The following DLC1 variants were observed in gnomAD, a reference collection of about 807,000 sequenced individuals.
DLC1 encodes DLC1 Rho GTPase activating protein.
A neutral mutation model predicts 140.3 loss-of-function variants in DLC1; 54 were observed. That is an observed-to-expected ratio of 0.38 (90% CI 0.31 to 0.48). The LOEUF is 0.48. Ranked by LOEUF, DLC1 falls within the 20% of genes least tolerant of loss-of-function variation. The probability of loss-of-function intolerance (pLI) is 0.96; values close to 1 mark genes in which losing one functional copy is unlikely to be tolerated. For synonymous variants in DLC1, 986 were observed against 728.1 expected (o/e 1.35, Z -5.70); for missense variants, 2,536 against 1,907.0 (o/e 1.33, Z -6.14).
intron 2 of DLC1, among the ~76,000 whole-genome samples, chr8:13,485,714 C>A (rs1407238711): frequency 6.6e-6 from 1 of 152,226 alleles, no homozygotes; most frequent in African/African-American, 2.4e-5. Context: ...CACTTATTCT[C>A]TAACAGAAGA....
At chr8:13,497,013 G>A (rs1021909607) in intron 2 of DLC1, among the ~76,000 whole-genome samples, 1 of 151,956 alleles carries the variant, frequency 6.6e-6, no homozygotes, top group South Asian at 2.1e-4. Context: ...TGTTAGCCGG[G>A]ATGGTCTCGA....
intron 1 of DLC1, among the ~76,000 whole-genome samples, chr8:13,585,523 T>A (rs2117456590): frequency 6.6e-6 from 1 of 152,348 alleles, no homozygotes; most frequent in South Asian, 2.1e-4. Flanking sequence ...TGCATTAGTT[T>A]GCTAGGGCTG....
At chr8:13,468,788 T>C (rs1414509320) in intron 2 of DLC1, among the ~76,000 whole-genome samples, 1 of 150,880 alleles carries the variant, frequency 6.6e-6, no homozygotes, top group Non-Finnish European at 1.5e-5. Flanking sequence ...TAGTTGTTGT[T>C]GATTCTCCCA....
At chr8:13,570,402 G>C (rs555545032) in intron 1 of DLC1, among the ~76,000 whole-genome samples, 1 of 144,760 alleles carries the variant, frequency 6.9e-6, no homozygotes, top group Non-Finnish European at 1.5e-5. Flanking sequence ...CCACTAACTC[G>C]TCATCTAGCA....
intron 5 of DLC1, among the ~76,000 whole-genome samples, chr8:13,141,640 C>T (rs1210054425): frequency 6.6e-6 from 1 of 152,186 alleles, no homozygotes; most frequent in Non-Finnish European, 1.5e-5. Flanking sequence ...AAATAAAGCA[C>T]AGTTCCCTTT....
At chr8:13,241,058 C>G (rs1829525167) in intron 5 of DLC1, among the ~76,000 whole-genome samples, 1 of 152,136 alleles carries the variant, frequency 6.6e-6, no homozygotes, top group Non-Finnish European at 1.5e-5. Flanking sequence ...AGAAGGGGAG[C>G]AGCTGAGCTT....
intron 5 of DLC1, among the ~76,000 whole-genome samples, chr8:13,232,753 C>T (rs1829106996): frequency 6.6e-6 from 1 of 152,192 alleles, no homozygotes; most frequent in African/African-American, 2.4e-5. Flanking sequence ...TTTACTTCAT[C>T]AATTCTGGAA....
chr8:13,416,097 C>CA (rs2117321500), intron 2 of DLC1, among the ~76,000 whole-genome samples: 1 of 152,274 alleles, frequency 6.6e-6, no homozygotes, highest in African/African-American at 2.4e-5. Context: ...TTCACATGTT[C>CA]AGTGACAGGT....
At chr8:13,101,160 G>T (rs538369183) in intron 8 of DLC1, among the ~76,000 whole-genome samples, 1 of 152,136 alleles carries the variant, frequency 6.6e-6, no homozygotes, top group African/African-American at 2.4e-5. Flanking sequence ...ATCCTCCCAC[G>T]TGGGCTTCCC....
At chr8:13,196,431 C>T (rs1263963396) in intron 5 of DLC1, among the ~76,000 whole-genome samples, 2 of 152,148 alleles carry the variant, frequency 1.3e-5, no homozygotes, top group Admixed American at 1.3e-4. Context: ...AACACATACC[C>T]GTGTAAGGTC....
At chr8:13,301,098 T>C (rs1382617915) in intron 5 of DLC1, among the ~76,000 whole-genome samples, 2 of 152,130 alleles carry the variant, frequency 1.3e-5, no homozygotes, top group Non-Finnish European at 2.9e-5. Context: ...CCTCAGGGAC[T>C]GTGGATACAG....
chr8:13,278,926 A>T (rs1831268104), intron 5 of DLC1, among the ~76,000 whole-genome samples: 1 of 152,152 alleles, frequency 6.6e-6, no homozygotes, highest in Non-Finnish European at 1.5e-5. Flanking sequence ...AGAAAGAAAA[A>T]ATTCGAAAAG....
intron 2 of DLC1, among the ~76,000 whole-genome samples, chr8:13,431,035 A>C (rs1452275407): frequency 6.6e-6 from 1 of 152,226 alleles, no homozygotes; most frequent in Non-Finnish European, 1.5e-5. Context: ...CTTCCATGTC[A>C]GTCAACTGAG....
intron 5 of DLC1, among the ~76,000 whole-genome samples, chr8:13,255,682 C>T (rs931212210): frequency 2.6e-5 from 4 of 152,168 alleles, no homozygotes; most frequent in African/African-American, 4.8e-5. Context: ...GTTCCCTTCT[C>T]TCCTACTTCT....
At chr8:13,157,006 G>C (rs553907160) in intron 5 of DLC1, among the ~76,000 whole-genome samples, 1 of 152,154 alleles carries the variant, frequency 6.6e-6, no homozygotes, top group South Asian at 2.1e-4. Flanking sequence ...CAGACAGGAA[G>C]TGTAAACAAT....
chr8:13,308,207 C>A (rs969481205), intron 4 of DLC1, among the ~76,000 whole-genome samples: 5 of 152,156 alleles, frequency 3.3e-5, no homozygotes, highest in Admixed American at 3.3e-4. Flanking sequence ...TTTTAGCCTC[C>A]TTATGGCCAA....
At chr8:13,327,120 A>ATTTTTTTTTTTTTTTTTTT in intron 4 of DLC1, among the ~76,000 whole-genome samples, 1 of 85,660 alleles carries the variant, frequency 1.2e-5, no homozygotes, top group Non-Finnish European at 2.1e-5. Flanking sequence ...ACACCCGGCT[A>ATTTTTTTTTTTTTTTTTTT]TTTTTTTTTT....
At chr8:13,434,168 C>T (rs896398942) in intron 2 of DLC1, among the ~76,000 whole-genome samples, 4 of 152,166 alleles carry the variant, frequency 2.6e-5, no homozygotes, top group Admixed American at 6.6e-5. Context: ...TGAGCCACTG[C>T]GCCCAGCCAC....
At chr8:13,280,664 T>C (rs1457029908) in intron 5 of DLC1, among the ~76,000 whole-genome samples, 1 of 152,212 alleles carries the variant, frequency 6.6e-6, no homozygotes. Context: ...CCTCTTCTTT[T>C]CCAAGCCTGT....
Sources: allele counts gnomAD v4.1 joint callset (sites outside exome capture counted in the v4.1 genomes callset), GRCh38; gene constraint gnomAD v4.1.1; transcripts MANE v1.5; gene names NCBI Gene and HGNC (gene_info 2026-07-23, HGNC 2026-07-21).